The following TAF1B variants were observed in gnomAD, a reference collection of about 807,000 sequenced individuals.
TAF1B encodes the protein TATA box-binding protein-associated factor RNA polymerase I subunit B.
TAF1B carries 61 observed loss-of-function variants against 83.9 expected under a neutral mutation model. That is an observed-to-expected ratio of 0.73 (90% CI 0.59 to 0.90). The LOEUF is 0.90. TAF1B is among the 40% of genes least tolerant of loss of function. TAF1B has a pLI of 0.00. For synonymous variants in TAF1B, 221 were observed against 224.6 expected, an observed-to-expected ratio of 0.98 and a Z score of 0.14; for missense variants, 625 against 677.0, an observed-to-expected ratio of 0.92 and a Z score of 0.85.
chr2:9,872,307 C>G (rs1416453511), intron 6 of TAF1B, among the ~76,000 whole-genome samples: 1 of 145,790 alleles, frequency 6.9e-6, no homozygotes, highest in South Asian at 2.2e-4. Flanking sequence ...GTCTGGGCAA[C>G]AGAGCGAGAT....
chr2:9,907,633 A>G (rs1047974679), intron 9 of TAF1B, among the ~76,000 whole-genome samples: 3 of 151,970 alleles, frequency 2.0e-5, no homozygotes, highest in Admixed American at 6.6e-5. Context: ...TCCACCCTCT[A>G]CTATGGTTCC....
intron 5 of TAF1B, among the ~76,000 whole-genome samples, chr2:9,860,676 G>A (rs775120858): frequency 2.0e-5 from 3 of 152,192 alleles, no homozygotes; most frequent in Non-Finnish European, 1.5e-5. Flanking sequence ...TAAGAGGACA[G>A]CTGAGAGAAT....
At chr2:9,895,286 G>A (rs997218401) in intron 8 of TAF1B, among the ~76,000 whole-genome samples, 1 of 152,170 alleles carries the variant, frequency 6.6e-6, no homozygotes, top group Non-Finnish European at 1.5e-5. Context: ...TATCCCTTAA[G>A]CCCCAGAGTT....
rs867034923 is a variant in TAF1B, at chr2:9,891,831, C to T, written c.807+9026C>T. On this transcript the variant is annotated intron_variant, in intron 8 of 14. Coordinates refer to ENST00000263663, the MANE Select transcript of TAF1B (RefSeq NM_005680.3). ...ATATAAAGAAAACATTTTTGTATAG[C>T]TGTACAGTATGTGTTTTAAACTAAG... 3.3e-5 allele frequency among the ~76,000 whole-genome samples: 5 copies of T among 152,118 alleles called. No homozygotes were observed. In the East Asian group the frequency reaches 5.8e-4, roughly 18 times the overall value.
At chr2:9,901,939 A>G (rs1460114410) in intron 8 of TAF1B, among the ~76,000 whole-genome samples, 1 of 152,192 alleles carries the variant, frequency 6.6e-6, no homozygotes, top group Non-Finnish European at 1.5e-5. Flanking sequence ...TTAAGAGAAA[A>G]TTACTTTGTA....
rs77817286 is a variant in TAF1B at position 9,914,273 on chromosome 2, G to A, written c.1271+1024G>A. On this transcript the variant is annotated intron_variant, in intron 12 of 14. Coordinates refer to ENST00000263663, the MANE Select transcript of TAF1B (RefSeq NM_005680.3). The surrounding 1 kb of genome is among the most constrained non-coding windows in gnomAD (Gnocchi z 4.3). Reference sequence around the variant, plus strand: ...GGATTGATGCACAATGAAGAAGAGGGGTGGAGGTGAATTTATCCCAACAGC... The same window carrying A: ...GGATTGATGCACAATGAAGAAGAGGAGTGGAGGTGAATTTATCCCAACAGC... Among the ~76,000 whole-genome samples, 649 of 152,246 alleles carry A rather than the reference G, an allele frequency of 4.3e-3. 21 individuals carry two copies. In the East Asian group the frequency reaches 0.096, roughly 23 times the overall value.
At chr2:9,853,783 C>T (rs1663474245) in intron 4 of TAF1B, among the ~76,000 whole-genome samples, 1 of 152,110 alleles carries the variant, frequency 6.6e-6, no homozygotes, top group Non-Finnish European at 1.5e-5. Context: ...TGTTTAGTTT[C>T]ACTATCACTT....
chr2:9,912,475 C>T (rs1665562423), intron 11 of TAF1B, among the ~76,000 whole-genome samples: 1 of 152,204 alleles, frequency 6.6e-6, no homozygotes, highest in African/African-American at 2.4e-5. Context: ...AAATAAAATA[C>T]TACTTTCTGT....
Position 9,919,659 on chromosome 2 carries a change from A to T in TAF1B, c.1404A>T (p.Gly468=), listed in dbSNP as rs767566143. Residue 468 remains glycine, a synonymous_variant, in exon 14 of 15, where the codon GGA becomes GGT. Coordinates refer to ENST00000263663, the MANE Select transcript of TAF1B (RefSeq NM_005680.3). The part of the protein sequence containing the change: ...STLVESTATA[G]KKSPSSFQFN... ...TGGTCGAGTCAACAGCAACTGCTGGAAAAAAAAGCCCTTCAAGTTTTCAGT... is the reference window on the plus strand; with the variant it reads ...TGGTCGAGTCAACAGCAACTGCTGGTAAAAAAAGCCCTTCAAGTTTTCAGT... 2.5e-6 allele frequency: 4 copies of T among 1,592,662 alleles called. No individual in the cohort carries two copies. The highest frequency in any genetic ancestry group is 3.4e-6 in the Non-Finnish European group (4 of 1,164,432).
intron 5 of TAF1B, among the ~76,000 whole-genome samples, chr2:9,856,873 A>G (rs1663582177): frequency 1.3e-5 from 2 of 152,216 alleles, no homozygotes; most frequent in East Asian, 1.9e-4. Context: ...TTGAAAGGAA[A>G]TGGAAACAAT....
intron 1 of TAF1B, 115 bp from the exon 2 acceptor site, chr2:9,845,105 A>G: frequency 3.2e-6 from 2 of 632,404 alleles, no homozygotes; most frequent in Non-Finnish European, 2.7e-6. Context: ...TTTATTGTCT[A>G]TGATTTTTTA....
chr2:9,845,121 A>T lies in TAF1B; in HGVS notation c.19-99A>T. On this transcript the variant is annotated intron_variant, in intron 1 of 14. Coordinates refer to ENST00000263663, the MANE Select transcript of TAF1B (RefSeq NM_005680.3). The stretch of plus-strand genomic sequence containing the variant: ...TTATTGTCTATGATTTTTTATTAAT[A>T]AAGTTGCCAGGAACCCATTAAATAG... The T allele has an allele frequency of 5.4e-6, 4 of 736,364 alleles. No individual in the cohort carries two copies. In the South Asian group the frequency reaches 8.3e-5, roughly 15 times the overall value. 45.6% of individuals were successfully genotyped at this position (736,364 alleles called of 1,614,324 possible). A position where few individuals can be genotyped will look rare whatever the true frequency, so the allele number is the denominator to read the frequency against.
At chr2:9,889,704 A>G (rs1293824465) in intron 8 of TAF1B, among the ~76,000 whole-genome samples, 3 of 152,062 alleles carry the variant, frequency 2.0e-5, no homozygotes, top group Non-Finnish European at 4.4e-5. Flanking sequence ...TCTAGTGTAT[A>G]ATTAAGTAAC....
intron 5 of TAF1B, among the ~76,000 whole-genome samples, chr2:9,860,361 A>G (rs558303914): frequency 6.6e-6 from 1 of 152,350 alleles, no homozygotes; most frequent in East Asian, 1.9e-4. Flanking sequence ...CTAACATGCT[A>G]TTGTTTGTAA....
chr2:9,883,829 A>C (rs546597522), intron 8 of TAF1B, among the ~76,000 whole-genome samples: 1 of 152,260 alleles, frequency 6.6e-6, no homozygotes, highest in Non-Finnish European at 1.5e-5. Context: ...TTGTAAAATA[A>C]TTCTCTTTGT....
intron 10 of TAF1B, 41 bp from the exon 11 acceptor site, chr2:9,911,470 A>T (rs755353211): frequency 1.4e-6 from 2 of 1,416,264 alleles, no homozygotes; most frequent in South Asian, 2.6e-5. Flanking sequence ...TTCCAAATAC[A>T]TGACTTCTAA....
intron 12 of TAF1B, among the ~76,000 whole-genome samples, chr2:9,918,709 T>G (rs867886615): frequency 6.6e-5 from 10 of 152,236 alleles, no homozygotes; most frequent in African/African-American, 1.9e-4. Context: ...AACAGTTGTT[T>G]CTGAGGTAGC....
At chr2:9,851,867 T>G (rs1054544642) in intron 4 of TAF1B, 1 of 644,144 alleles carries the variant, frequency 1.6e-6, no homozygotes, top group Non-Finnish European at 2.9e-6. Context: ...GTTTTAGTCT[T>G]CAGATACTTA....
intron 12 of TAF1B, among the ~76,000 whole-genome samples, chr2:9,918,451 CA>C (rs1431446141): frequency 6.6e-6 from 1 of 152,144 alleles, no homozygotes; most frequent in African/African-American, 2.4e-5. Context: ...CCAGGATCCC[CA>C]TTTTACAGTG....
Sources: allele counts gnomAD v4.1 joint callset (sites outside exome capture counted in the v4.1 genomes callset), GRCh38; gene constraint gnomAD v4.1.1; non-coding constraint Gnocchi (gnomAD v3.1); transcripts MANE v1.5; gene names NCBI Gene and HGNC (gene_info 2026-07-23, HGNC 2026-07-21).